The following OLFM2 variants were observed in gnomAD, a reference collection of about 807,000 sequenced individuals.
OLFM2 encodes the protein olfactomedin 2.
In OLFM2, 20 loss-of-function variants were observed where a neutral mutation model predicts 43.9. That is an observed-to-expected ratio of 0.46 (90% CI 0.32 to 0.66). The LOEUF (loss-of-function observed/expected upper bound fraction) is 0.66, where lower values mean the gene tolerates loss of function less well. OLFM2 is among the 30% of genes least tolerant of loss of function. The pLI, the probability that OLFM2 is intolerant of heterozygous loss-of-function variation, is 0.04. For synonymous variants in OLFM2, 268 were observed against 278.6 expected (o/e 0.96, Z 0.38); for missense variants, 416 against 643.6 (o/e 0.65, Z 3.83).
chr19:9,901,847 T>A (rs140884080), intron 1 of OLFM2, among the ~76,000 whole-genome samples: 2 of 152,296 alleles, frequency 1.3e-5, no homozygotes, highest in Admixed American at 1.3e-4. Context: ...TATGTGCACA[T>A]CAGTGGAAAT....
chr19:9,886,510 G>A (rs1331898907), intron 1 of OLFM2, among the ~76,000 whole-genome samples: 1 of 151,928 alleles, frequency 6.6e-6, no homozygotes, highest in African/African-American at 2.4e-5. Context: ...GGGTATTTAT[G>A]TCAGTGTCCC....
chr19:9,883,446 C>T (rs2046557910), intron 1 of OLFM2, among the ~76,000 whole-genome samples: 1 of 151,936 alleles, frequency 6.6e-6, no homozygotes, highest in Non-Finnish European at 1.5e-5. Context: ...ACCTGGGTCA[C>T]CGGAGACCTT....
rs1272892841 is a variant in OLFM2 at position 9,901,000 on chromosome 19, G to GAGGGA, written c.63+35303_63+35304insTCCCT. On this transcript the variant is annotated intron_variant, in intron 1 of 5. Transcript: ENST00000264833. ...GAAGGAAGGAAGGAAGGGAGGGAGGGGGGAGGGAGGGAAGGAGGAAGGGAG... is the reference window on the plus strand; with the variant it reads ...GAAGGAAGGAAGGAAGGGAGGGAGGGAGGGAGGGAGGGAGGGAAGGAGGAAGGGAG... Among the ~76,000 whole-genome samples the GAGGGA allele has an allele frequency of 3.8e-4, 9 of 23,746 alleles. 1 individual carries two copies. Among genetic ancestry groups the GAGGGA allele is most frequent in the African/African-American group, 2.1e-3 (8 of 3,800 alleles). The allele number at this position is 23,746 out of a possible 152,430, so 15.6% of individuals were successfully genotyped here.
intron 1 of OLFM2, among the ~76,000 whole-genome samples, chr19:9,917,388 G>A (rs986271797): frequency 1.1e-5 from 1 of 90,172 alleles, no homozygotes; most frequent in Admixed American, 1.2e-4. Context: ...TCAGAGCCAT[G>A]CCCTGCCCTT....
Position 9,936,324 on chromosome 19 carries a change from ACAGCAG to A in OLFM2, c.37_42del (p.Leu13_Leu14del). The A allele has an allele frequency of 2.6e-6, 4 of 1,514,210 alleles. No homozygotes were observed. Among genetic ancestry groups the A allele is most frequent in the East Asian group, 2.6e-5 (1 of 38,370 alleles). The allele number at this position is 1,514,210 out of a possible 1,614,324, so 93.8% of individuals were successfully genotyped here. On this transcript the variant is annotated inframe_deletion, in exon 1 of 6. Coordinates refer to ENST00000264833, the MANE Select transcript of OLFM2 (RefSeq NM_058164.4). Reference sequence around the variant, plus strand: ...CCTACCTGTCCGGCCAGGCCTGAGCACAGCAGCAGCAGCAGCGGCGGCGGGACCGTG... The same window carrying A: ...CCTACCTGTCCGGCCAGGCCTGAGCACAGCAGCAGCGGCGGCGGGACCGTG...
intron 1 of OLFM2, 134 bp downstream of exon 1, chr19:9,936,170 G>T: frequency 1.1e-6 from 1 of 929,598 alleles, no homozygotes. Context: ...CTCCCCCGCT[G>T]CGACCCCCGC....
chr19:9,925,145 G>A (rs543577482), intron 1 of OLFM2, among the ~76,000 whole-genome samples: 71 of 152,094 alleles, frequency 4.7e-4, no homozygotes, highest in African/African-American at 6.3e-4. Context: ...GCTACTCAGC[G>A]TGTTGGGAGG....
intron 1 of OLFM2, among the ~76,000 whole-genome samples, chr19:9,896,107 T>A (rs2144969619): frequency 6.9e-6 from 1 of 144,192 alleles, no homozygotes; most frequent in East Asian, 2.0e-4. Flanking sequence ...TTTTTTTTTT[T>A]TTTTTTTGAG....
chr19:9,858,111 C>G, intron 2 of OLFM2: 2 of 580,896 alleles, frequency 3.4e-6, no homozygotes, highest in South Asian at 3.8e-5. Flanking sequence ...TCCCTAGTCT[C>G]CCAGTTCCAC....
chr19:9,904,505 T>C (rs941727967), intron 1 of OLFM2, among the ~76,000 whole-genome samples: 12 of 151,908 alleles, frequency 7.9e-5, no homozygotes, highest in African/African-American at 2.9e-4. Flanking sequence ...CTGAGTATTA[T>C]ACTGAGGGCT....
intron 1 of OLFM2, among the ~76,000 whole-genome samples, chr19:9,861,472 C>T (rs1384558300): frequency 6.6e-6 from 1 of 152,164 alleles, no homozygotes; most frequent in African/African-American, 2.4e-5. Flanking sequence ...CCATCAGGGC[C>T]ACCAAATGTT....
chr19:9,913,961 ACGCCCT>A (rs1403672121), intron 1 of OLFM2: 1 of 50,590 alleles, frequency 2.0e-5, no homozygotes, highest in Non-Finnish European at 4.5e-5. Flanking sequence ...CCCCCACCCC[ACGCCCT>A]CGCCCGCCCC....
intron 1 of OLFM2, among the ~76,000 whole-genome samples, chr19:9,879,149 A>G (rs1257696102): frequency 6.6e-6 from 1 of 151,830 alleles, no homozygotes; most frequent in African/African-American, 2.4e-5. Flanking sequence ...TTGTTTGTTT[A>G]TTTATTTTGA....
At chr19:9,896,972 G>A (rs573251470) in intron 1 of OLFM2, among the ~76,000 whole-genome samples, 5 of 152,142 alleles carry the variant, frequency 3.3e-5, no homozygotes, top group East Asian at 1.9e-4. Flanking sequence ...CGGGTGGATC[G>A]CTTGAGCCCA....
Position 9,854,792 on chromosome 19 carries a change from T to C in OLFM2, c.759A>G (p.Lys253=), listed in dbSNP as rs2046301649. Residue 253 remains lysine, a synonymous_variant, in exon 6 of 6, where the codon AAA becomes AAG. Transcript: ENST00000264833. This position sits in a 1 kb window ranked among gnomAD's most constrained non-coding sequence, Gnocchi z 9.5. ...LEFRTLGDFI[K]GQNFIQHLLP... Reference sequence around the variant, plus strand: ...GCAGGTGCTGGATAAAGTTCTGGCCTTTGATGAAGTCTCCCAGGGTACGGA... The same window carrying C: ...GCAGGTGCTGGATAAAGTTCTGGCCCTTGATGAAGTCTCCCAGGGTACGGA... 2 of 1,610,120 alleles carry C rather than the reference T, an allele frequency of 1.2e-6. No homozygotes were observed. Among genetic ancestry groups the C allele is most frequent in the African/African-American group, 1.3e-5 (1 of 74,836 alleles).
At chr19:9,884,276 TAAAAAAA>T (rs4044581) in intron 1 of OLFM2, among the ~76,000 whole-genome samples, 1 of 130,942 alleles carries the variant, frequency 7.6e-6, no homozygotes, top group Non-Finnish European at 1.6e-5. Flanking sequence ...TCTCAAAAAT[TAAAAAAA>T]AAAAAAAAAA....
intron 1 of OLFM2, among the ~76,000 whole-genome samples, chr19:9,873,607 A>G (rs1411459837): frequency 1.3e-5 from 2 of 151,992 alleles, no homozygotes; most frequent in Non-Finnish European, 2.9e-5. Flanking sequence ...GGTGTGTGCC[A>G]CCACACCCTG....
chr19:9,932,454 C>CAA (rs74178225), intron 1 of OLFM2, among the ~76,000 whole-genome samples: 1 of 95,890 alleles, frequency 1.0e-5, no homozygotes. Context: ...GACTCAGTCT[C>CAA]AAAAAAAAAA....
intron 1 of OLFM2, among the ~76,000 whole-genome samples, chr19:9,873,675 C>T (rs1282035522): frequency 3.3e-5 from 5 of 151,930 alleles, no homozygotes; most frequent in Non-Finnish European, 5.9e-5. Flanking sequence ...TCCCCCAGGC[C>T]GTGTCCCACA....
Sources: gnomAD v4.1 joint callset for allele counts (sites outside exome capture counted in the v4.1 genomes callset) on GRCh38, gnomAD v4.1.1 for gene constraint, Gnocchi (gnomAD v3.1) non-coding constraint, MANE v1.5 for transcripts, NCBI Gene and HGNC (gene_info 2026-07-23, HGNC 2026-07-21) for gene names.